The following RAG1 variants were observed in gnomAD, a reference collection of about 807,000 sequenced individuals.
RAG1 encodes the protein recombination activating 1, also known as V(D)J recombination-activating protein 1.
A neutral mutation model predicts 62.7 loss-of-function variants in RAG1; 35 were observed. That is an observed-to-expected ratio of 0.56 (90% CI 0.43 to 0.74). The LOEUF is 0.74. Among genes scored for constraint, RAG1 ranks in the 30% least tolerant of loss-of-function variants. The pLI is 0.00. For synonymous variants in RAG1, 461 were observed against 470.3 expected, an observed-to-expected ratio of 0.98 and a Z score of 0.26; for missense variants, 1,169 against 1,278.6, an observed-to-expected ratio of 0.91 and a Z score of 1.31.
At chr11:36,560,347 C>T (rs149049724) in intron 3 of RAG1, among the ~76,000 whole-genome samples, 4 of 152,200 alleles carry the variant, frequency 2.6e-5, no homozygotes, top group African/African-American at 7.2e-5. Context: ...AGGTTTATTT[C>T]CTATTCTACA....
rs1049050670 is a variant in RAG1, at chr11:36,579,447, A to G, written c.*3011A>G. On this transcript the variant is annotated 3_prime_UTR_variant, in exon 2 of 2. Transcript: ENST00000299440. ...ACAGTAATCTACATAAATATACCTCAGAAATCATTTTTGGTGATTATTTTT... is the reference window on the plus strand; with the variant it reads ...ACAGTAATCTACATAAATATACCTCGGAAATCATTTTTGGTGATTATTTTT... 2 of 167,156 alleles carry G rather than the reference A, an allele frequency of 1.2e-5. No individual in the cohort carries two copies. The highest frequency in any genetic ancestry group is 3.4e-3 in the Middle Eastern group (1 of 294). The allele number at this position is 167,156 out of a possible 1,614,324, so 10.4% of individuals were successfully genotyped here. A position where few individuals can be genotyped will look rare whatever the true frequency, so the allele number is the denominator to read the frequency against.
At chr11:36,541,453 C>G (rs112125281) in intron 3 of RAG1, among the ~76,000 whole-genome samples, 51 of 152,312 alleles carry the variant, frequency 3.3e-4, no homozygotes, top group African/African-American at 1.1e-3. Context: ...TTCCAATATT[C>G]TTTCCATCTT....
Position 36,574,384 on chromosome 11 carries a change from A to C in RAG1, c.1080A>C (p.Ala360=). The C allele has an allele frequency of 6.2e-7, 1 of 1,614,232 alleles. No homozygotes were observed. Reference sequence around the variant, plus strand: ...ATTCCCTGATGGTGAAATGTCCAGCAAAAGAGTGCAATGAGGAGGTCAGTT... The same window carrying C: ...ATTCCCTGATGGTGAAATGTCCAGCCAAAGAGTGCAATGAGGAGGTCAGTT... ...VLNSLMVKCP[A]KECNEEVSLE... The change falls in exon 2 of 2, where the codon GCA becomes GCC. Residue 360 remains alanine, a synonymous_variant. Coordinates refer to ENST00000299440, the MANE Select transcript of RAG1 (RefSeq NM_000448.3).
intron 1 of RAG1, among the ~76,000 whole-genome samples, chr11:36,513,613 C>T (rs910299880): frequency 6.6e-5 from 10 of 152,180 alleles, no homozygotes; most frequent in African/African-American, 2.4e-4. Flanking sequence ...TCTCACACAG[C>T]TGATAAAGAC....
intron 1 of RAG1, among the ~76,000 whole-genome samples, chr11:36,515,714 C>G (rs1266237082): frequency 6.6e-6 from 1 of 151,960 alleles, no homozygotes; most frequent in African/African-American, 2.4e-5. Context: ...GGGAGGCTCC[C>G]GGGGAGACTG....
At chr11:36,566,705 G>T (rs1378187919), upstream of RAG1, among the ~76,000 whole-genome samples, 1 of 152,202 alleles carries the variant, frequency 6.6e-6, no homozygotes, top group Non-Finnish European at 1.5e-5. Context: ...GGTAAAGGCT[G>T]CATCTCCTTG....
intron 3 of RAG1, among the ~76,000 whole-genome samples, chr11:36,542,523 A>T (rs1850320911): frequency 6.6e-6 from 1 of 152,202 alleles, no homozygotes; most frequent in South Asian, 2.1e-4. Flanking sequence ...CAAGAGGAAG[A>T]GGGGCTGCCC....
chr11:36,536,801 C>T (rs1860336022), downstream of RAG1, among the ~76,000 whole-genome samples: 1 of 151,190 alleles, frequency 6.6e-6, no homozygotes, highest in Non-Finnish European at 1.5e-5. Context: ...CTCAGTTGCC[C>T]AGGCTGGAGT....
chr11:36,520,628 T>G (rs1434632559), intron 2 of RAG1, among the ~76,000 whole-genome samples: 1 of 148,524 alleles, frequency 6.7e-6, no homozygotes, highest in African/African-American at 2.6e-5. Flanking sequence ...AAGGTTACAG[T>G]ATCTATCCAG....
intron 3 of RAG1, among the ~76,000 whole-genome samples, chr11:36,541,386 A>AG (rs776172606): frequency 2.0e-5 from 3 of 152,250 alleles, no homozygotes; most frequent in Non-Finnish European, 4.4e-5. Context: ...ATGGTGCACA[A>AG]GATGATTTCA....
At chr11:36,528,478 G>A (rs1299199227) in intron 2 of RAG1, among the ~76,000 whole-genome samples, 1 of 152,112 alleles carries the variant, frequency 6.6e-6, no homozygotes, top group Non-Finnish European at 1.5e-5. Flanking sequence ...AGAATCTCTG[G>A]GATTTGTTTA....
chr11:36,571,343 A>G (rs975601158), intron 1 of RAG1, among the ~76,000 whole-genome samples: 5 of 152,182 alleles, frequency 3.3e-5, no homozygotes, highest in Non-Finnish European at 5.9e-5. Flanking sequence ...AGGAATGAGA[A>G]GGCATTTGGG....
rs996961436 is a variant in RAG1 at position 36,578,733 on chromosome 11, C to T, written c.*2297C>T. On this transcript the variant is annotated 3_prime_UTR_variant, in exon 2 of 2. Coordinates refer to ENST00000299440, the MANE Select transcript of RAG1 (RefSeq NM_000448.3). ...CTGCAGGAATTTCAATATGTAGAAA[C>T]GCTGCCTATGGTTTTTTGCCCTTAC... 2.4e-5 allele frequency: 4 copies of T among 167,038 alleles called. No individual in the cohort carries two copies. The highest frequency in any genetic ancestry group is 5.9e-5 in the Non-Finnish European group (4 of 68,118). 10.3% of individuals were successfully genotyped at this position (167,038 alleles called of 1,614,324 possible).
intron 2 of RAG1, among the ~76,000 whole-genome samples, chr11:36,531,036 T>C (rs1860245828): frequency 7.5e-6 from 1 of 133,790 alleles, no homozygotes; most frequent in Non-Finnish European, 1.6e-5. Flanking sequence ...TTTAGAATTG[T>C]TGCATCATCT....
Position 36,550,580 on chromosome 11 carries a change from G to T in RAG1, c.-411-12805G>T, listed in dbSNP as rs572290052. 4.6e-5 allele frequency among the ~76,000 whole-genome samples: 7 copies of T among 152,268 alleles called. No homozygotes were observed. In the South Asian group the frequency reaches 1.2e-3, roughly 27 times the overall value. On this transcript the variant is annotated intron_variant and NMD_transcript_variant, in intron 3 of 9. Coordinates refer to the RAG1 transcript ENST00000534663. The stretch of plus-strand genomic sequence containing the variant: ...GTTAGATGACCCAAATTCAACTTGG[G>T]TTAAACAGGAAATGGAATTGCTTGA...
At chr11:36,549,901 G>A (rs567338110) in intron 3 of RAG1, among the ~76,000 whole-genome samples, 1 of 152,294 alleles carries the variant, frequency 6.6e-6, no homozygotes, top group Admixed American at 6.5e-5. Context: ...TAAAGAAAAT[G>A]TGGCACATAT....
intron 2 of RAG1, among the ~76,000 whole-genome samples, chr11:36,533,143 C>G (rs1018683860): frequency 2.5e-4 from 38 of 152,074 alleles, no homozygotes; most frequent in Non-Finnish European, 4.1e-4. Context: ...GTTCTGGTTC[C>G]CCATAGAAAC....
chr11:36,531,077 A>G (rs1860247161), intron 2 of RAG1, among the ~76,000 whole-genome samples: 2 of 151,618 alleles, frequency 1.3e-5, no homozygotes, highest in South Asian at 4.1e-4. Flanking sequence ...TTTGCATTAT[A>G]TAAGCTCCCT....
intron 3 of RAG1, among the ~76,000 whole-genome samples, chr11:36,542,073 T>C (rs1850312882): frequency 6.6e-6 from 1 of 152,114 alleles, no homozygotes; most frequent in Non-Finnish European, 1.5e-5. Context: ...TCATTAAAAG[T>C]CTCACTTTCA....
Sources: gnomAD v4.1 joint callset for allele counts (sites outside exome capture counted in the v4.1 genomes callset) on GRCh38, gnomAD v4.1.1 for gene constraint, MANE v1.5 for transcripts, NCBI Gene and HGNC (gene_info 2026-07-23, HGNC 2026-07-21) for gene names.